SLC44A5: variants seen among roughly 807,000 people sequenced by gnomAD.
SLC44A5 encodes solute carrier family 44 member 5.
In SLC44A5, 57 loss-of-function variants were observed where a neutral mutation model predicts 101.8. The ratio of observed to expected loss-of-function variants is 0.56; its 90% confidence interval spans 0.45 to 0.70. SLC44A5 has a LOEUF of 0.70. SLC44A5 is among the 30% of genes least tolerant of loss of function. The pLI, the probability that SLC44A5 is intolerant of heterozygous loss-of-function variation, is 0.00. For synonymous variants in SLC44A5, 281 were observed against 290.9 expected, an observed-to-expected ratio of 0.97 and a Z score of 0.35; for missense variants, 737 against 853.1, an observed-to-expected ratio of 0.86 and a Z score of 1.70.
chr1:75,678,440 G>C, the SLC44A5 span, among the ~76,000 whole-genome samples: 1 of 152,108 alleles, frequency 6.6e-6, no homozygotes, highest in Non-Finnish European at 1.5e-5. Flanking sequence ...GCCTCCTCAA[G>C]TGGGTCCCTG....
intron 7 of SLC44A5, among the ~76,000 whole-genome samples, chr1:75,243,426 T>C (rs1378961855): frequency 6.6e-6 from 1 of 152,058 alleles, no homozygotes; most frequent in African/African-American, 2.4e-5. Context: ...TGTAAGCCAC[T>C]GAACCTGGTC....
At chr1:75,287,252 A>G (rs1653130380) in intron 5 of SLC44A5, among the ~76,000 whole-genome samples, 1 of 150,952 alleles carries the variant, frequency 6.6e-6, no homozygotes, top group African/African-American at 2.4e-5. Flanking sequence ...GGTATTTTGT[A>G]TTTCTCTAAG....
At chr1:75,542,743 C>G (rs923883186) in intron 1 of SLC44A5, among the ~76,000 whole-genome samples, 3 of 152,050 alleles carry the variant, frequency 2.0e-5, no homozygotes, top group African/African-American at 7.2e-5. Context: ...AAGCTTTTGA[C>G]TCAAAGATTA....
intron 4 of SLC44A5, among the ~76,000 whole-genome samples, chr1:75,338,092 C>T (rs886724302): frequency 6.6e-6 from 1 of 152,154 alleles, no homozygotes; most frequent in Non-Finnish European, 1.5e-5. Context: ...ATTTATGCCT[C>T]CCTGGTTTTA....
the SLC44A5 span, among the ~76,000 whole-genome samples, chr1:75,659,451 A>AGGGAG: frequency 1.1e-4 from 5 of 45,300 alleles, 1 homozygote; most frequent in African/African-American, 1.8e-4. Context: ...GAGGGAAGGA[A>AGGGAG]GGAAGGAAGG....
chr1:75,238,429 T>A (rs1160993093), intron 10 of SLC44A5, 84 bp downstream of exon 10: 2 of 753,528 alleles, frequency 2.7e-6, no homozygotes, highest in East Asian at 3.8e-5. Flanking sequence ...TATTTTCCTA[T>A]AACCCTTAAC....
intron 3 of SLC44A5, among the ~76,000 whole-genome samples, chr1:75,354,467 T>A (rs1250955705): frequency 6.6e-6 from 1 of 152,206 alleles, no homozygotes; most frequent in Non-Finnish European, 1.5e-5. Flanking sequence ...TCTCATTCAC[T>A]TGATACACTG....
At chr1:75,499,563 C>T (rs969282173) in intron 2 of SLC44A5, among the ~76,000 whole-genome samples, 1 of 152,212 alleles carries the variant, frequency 6.6e-6, no homozygotes, top group Admixed American at 6.5e-5. Context: ...GCAAACAACG[C>T]ATTTCTCAGA....
At chr1:75,571,712 T>C (rs2102038729) in intron 1 of SLC44A5, among the ~76,000 whole-genome samples, 2 of 152,312 alleles carry the variant, frequency 1.3e-5, no homozygotes, top group South Asian at 4.1e-4. Context: ...AAATGCCTTT[T>C]TGACTTAGGT....
rs149741687 is a variant in SLC44A5 at position 75,609,137 on chromosome 1, T to C, written c.-70+1903A>G. On this transcript the variant is annotated intron_variant, in intron 1 of 23. Coordinates refer to ENST00000370859, the MANE Select transcript of SLC44A5 (RefSeq NM_001130058.2). ...AATAGATTAATATCCTACTCTCAAG[T>C]AGAAGAGACGGCAACCTTCCTTTCT... 5.6e-3 allele frequency among the ~76,000 whole-genome samples: 854 copies of C among 151,734 alleles called. 12 individuals are homozygous for C. The highest frequency in any genetic ancestry group is 0.034 in the Admixed American group (510 of 15,194).
chr1:75,426,368 T>C (rs981912223), intron 2 of SLC44A5, among the ~76,000 whole-genome samples: 1 of 152,204 alleles, frequency 6.6e-6, no homozygotes, highest in African/African-American at 2.4e-5. Context: ...ATTGCTGAAA[T>C]TGGCAGTGAG....
intron 3 of SLC44A5, among the ~76,000 whole-genome samples, chr1:75,355,767 T>C (rs1659017802): frequency 1.3e-5 from 2 of 152,228 alleles, no homozygotes; most frequent in Admixed American, 6.5e-5. Context: ...CTGTCAGTTG[T>C]ATAAAAGTAT....
At chr1:75,442,280 A>G (rs1455688380) in intron 2 of SLC44A5, among the ~76,000 whole-genome samples, 1 of 152,092 alleles carries the variant, frequency 6.6e-6, no homozygotes, top group Non-Finnish European at 1.5e-5. Flanking sequence ...AAAATAATGA[A>G]CCTTGTTAAA....
the SLC44A5 span, among the ~76,000 whole-genome samples, chr1:75,630,045 C>T: frequency 6.6e-6 from 1 of 152,186 alleles, no homozygotes; most frequent in East Asian, 1.9e-4. Flanking sequence ...CTTTTTCTAG[C>T]TCCATCCCCC....
intron 3 of SLC44A5, among the ~76,000 whole-genome samples, chr1:75,380,706 C>T (rs1201753742): frequency 1.2e-5 from 1 of 82,576 alleles, no homozygotes; most frequent in African/African-American, 7.9e-5. Context: ...TTTGGATACC[C>T]ACTAGACATT....
chr1:75,358,983 C>T (rs745680727), intron 3 of SLC44A5, among the ~76,000 whole-genome samples: 1 of 151,868 alleles, frequency 6.6e-6, no homozygotes, highest in African/African-American at 2.4e-5. Context: ...TTTCCCATTC[C>T]CTCCCTTCCC....
At chr1:75,372,977 T>G (rs1660329134) in intron 3 of SLC44A5, among the ~76,000 whole-genome samples, 2 of 152,160 alleles carry the variant, frequency 1.3e-5, no homozygotes, top group Non-Finnish European at 2.9e-5. Context: ...ACTCATAGAT[T>G]TTACTTCAAA....
intron 2 of SLC44A5, among the ~76,000 whole-genome samples, chr1:75,403,007 G>C (rs1557748377): frequency 6.6e-6 from 1 of 152,148 alleles, no homozygotes; most frequent in Admixed American, 6.5e-5. Context: ...GAGGTTGATG[G>C]GGGGAGGGAC....
chr1:75,385,525 G>T (rs1661257810), intron 3 of SLC44A5, among the ~76,000 whole-genome samples: 1 of 152,094 alleles, frequency 6.6e-6, no homozygotes, highest in Admixed American at 6.5e-5. Flanking sequence ...TTGAATCTCT[G>T]AATAGACCAA....
Sources: gnomAD v4.1 joint callset for allele counts (sites outside exome capture counted in the v4.1 genomes callset) on GRCh38, gnomAD v4.1.1 for gene constraint, MANE v1.5 for transcripts, NCBI Gene and HGNC (gene_info 2026-07-23, HGNC 2026-07-21) for gene names.